Variants in PCDHGA8 observed in about 807,000 individuals in gnomAD.
The protein encoded by PCDHGA8 is protocadherin gamma subfamily A, 8, also known as protocadherin gamma-A8.
Under a neutral mutation model 59.2 loss-of-function variants are expected in PCDHGA8, and 45 were observed. The ratio of observed to expected loss-of-function variants is 0.76; its 90% CI spans 0.60 to 0.98. The LOEUF (loss-of-function observed/expected upper bound fraction) is 0.98, where lower values mean the gene tolerates loss of function less well. Ranked by LOEUF, PCDHGA8 falls within the 50% of genes least tolerant of loss-of-function variation. The pLI is 0.00. For missense variants in PCDHGA8, 1,257 were observed against 1,196.2 expected, an observed-to-expected ratio of 1.05 and a Z score of -0.75; for synonymous variants, 531 against 519.0, an observed-to-expected ratio of 1.02 and a Z score of -0.32.
intron 1 of PCDHGA8, 103 bp downstream of exon 1, chr5:141,395,340 G>T (rs529007241): frequency 2.1e-6 from 3 of 1,419,360 alleles, no homozygotes; most frequent in Non-Finnish European, 1.9e-6. Flanking sequence ...TAATTTTTAA[G>T]GTGTATCACA....
rs1220367944 is a variant in PCDHGA8 at position 141,394,004 on chromosome 5, A to G, written c.1191A>G (p.Ser397=). ...RDNLPFKLEK[S]IGNYYRLVTR... ...ATTTACCTTTTAAATTAGAAAAGTC[A>G]ATAGGTAATTATTATAGATTAGTGA... The change falls in exon 1 of 4, where the codon TCA becomes TCG. Residue 397 remains serine (S), a synonymous_variant. Coordinates refer to ENST00000398604, the MANE Select transcript of PCDHGA8 (RefSeq NM_032088.2). The G allele has an allele frequency of 3.7e-6, 6 of 1,613,378 alleles. No homozygotes were observed. The highest frequency in any genetic ancestry group is 4.2e-6 in the Non-Finnish European group (5 of 1,179,614).
intron 2 of PCDHGA8, among the ~76,000 whole-genome samples, chr5:141,497,721 G>A (rs2099778948): frequency 6.6e-6 from 1 of 152,006 alleles, no homozygotes; most frequent in African/African-American, 2.4e-5. Flanking sequence ...TGTATTTTTA[G>A]TAGAGATGGG....
Position 141,489,805 on chromosome 5 carries a change from A to T in PCDHGA8, c.2425-5002A>T. On this transcript the variant is annotated intron_variant, in intron 1 of 3. Transcript: ENST00000398604. The surrounding 1 kb of genome is among the most constrained non-coding windows in gnomAD (Gnocchi z 4.5). ...GAATGTGAAGACCCTAAAAGATGGG[A>T]AGCCATTCCCAGAGCTGGTGCTAGA... 1 of 1,614,166 alleles carries T rather than the reference A, an allele frequency of 6.2e-7. No individual in the cohort carries two copies. Among genetic ancestry groups the T allele is most frequent in the Non-Finnish European group, 8.5e-7 (1 of 1,180,012 alleles).
At chr5:141,502,134 C>T (rs566073996) in intron 2 of PCDHGA8, among the ~76,000 whole-genome samples, 10 of 152,288 alleles carry the variant, frequency 6.6e-5, no homozygotes, top group African/African-American at 2.2e-4. Flanking sequence ...AGAGCTCAGT[C>T]GGGCCGGAAG....
rs1036223789 is a variant in PCDHGA8, at chr5:141,511,298, G to A, written c.*125G>A. On this transcript the variant is annotated 3_prime_UTR_variant, in exon 4 of 4. Transcript: ENST00000398604. ...GAATACTGGTAGGGGCCAAGGCCAT[G>A]CTCCCCTTGGGAAACAGAAACAAGT... The A allele has an allele frequency of 4.7e-6, 7 of 1,502,412 alleles. No individual in the cohort carries two copies. In the African/African-American group the frequency reaches 8.4e-5, roughly 18 times the overall value. The allele number at this position is 1,502,412 out of a possible 1,614,324, so 93.1% of individuals were successfully genotyped here. A position where few individuals can be genotyped will look rare whatever the true frequency, so the allele number is the denominator to read the frequency against.
chr5:141,415,477 CGAAA>C (rs764359660), intron 1 of PCDHGA8: 56 of 1,614,066 alleles, frequency 3.5e-5, no homozygotes, highest in Middle Eastern at 3.3e-4. Context: ...CGCGGACTCG[CGAAA>C]GAGTCACCTG....
chr5:141,501,902 C>G (rs2154593013), intron 2 of PCDHGA8, among the ~76,000 whole-genome samples: 1 of 152,202 alleles, frequency 6.6e-6, no homozygotes, highest in East Asian at 1.9e-4. Flanking sequence ...GGTTCCAACC[C>G]CACTGTTCCA....
chr5:141,398,841 TC>T (rs1383151737), intron 1 of PCDHGA8: 5 of 1,613,612 alleles, frequency 3.1e-6, no homozygotes, highest in African/African-American at 1.3e-5. Flanking sequence ...CCAATGATAA[TC>T]CCCCGGTATT....
Position 141,493,359 on chromosome 5 carries a change from G to A in PCDHGA8, c.2425-1448G>A, listed in dbSNP as rs956980110. Among the ~76,000 whole-genome samples the A allele has an allele frequency of 2.6e-5, 4 of 152,148 alleles. No homozygotes were observed. The highest frequency in any genetic ancestry group is 9.7e-5 in the African/African-American group (4 of 41,418). ...CCAGAATGTGTGCTTTTAATTTCTT[G>A]GCACTTGGAACTTTAAAAGCTTGAG... On this transcript the variant is annotated intron_variant, in intron 1 of 3. Transcript: ENST00000398604. This position sits in a 1 kb window ranked among gnomAD's most constrained non-coding sequence, Gnocchi z 4.3.
chr5:141,432,706 C>G lies in PCDHGA8; in HGVS notation c.2424+37469C>G, dbSNP rs761752571. The G allele has an allele frequency of 6.2e-7, 1 of 1,613,988 alleles. No homozygotes were observed. Among genetic ancestry groups the G allele is most frequent in the African/African-American group, 1.3e-5 (1 of 75,072 alleles). Reference sequence around the variant, plus strand: ...GCCTCGTAGTGGCCGTCCAGGACCACGGCCAGCCCCCTCTCTCCGCCACTG... The same window carrying G: ...GCCTCGTAGTGGCCGTCCAGGACCAGGGCCAGCCCCCTCTCTCCGCCACTG... On this transcript the variant is annotated intron_variant, in intron 1 of 3. Transcript: ENST00000398604. The surrounding 1 kb of genome is among the most constrained non-coding windows in gnomAD (Gnocchi z 6.0).
At chr5:141,482,840 G>A (rs1343123459) in intron 1 of PCDHGA8, among the ~76,000 whole-genome samples, 2 of 152,212 alleles carry the variant, frequency 1.3e-5, no homozygotes, top group Admixed American at 6.5e-5. Context: ...GGGAGGCCAA[G>A]GTGGGCAGAT....
At chr5:141,419,084 G>A in intron 1 of PCDHGA8, 2 of 1,613,920 alleles carry the variant, frequency 1.2e-6, no homozygotes, top group Non-Finnish European at 1.7e-6. Flanking sequence ...AACAGATGAG[G>A]CCCTGGATCG....
Position 141,477,256 on chromosome 5 carries a change from T to G in PCDHGA8, c.2425-17551T>G. 2 of 1,614,210 alleles carry G rather than the reference T, an allele frequency of 1.2e-6. No homozygotes were observed. The highest frequency in any genetic ancestry group is 1.7e-6 in the Non-Finnish European group (2 of 1,180,038). On this transcript the variant is annotated intron_variant, in intron 1 of 3. Coordinates refer to ENST00000398604, the MANE Select transcript of PCDHGA8 (RefSeq NM_032088.2). This position sits in a 1 kb window ranked among gnomAD's most constrained non-coding sequence, Gnocchi z 4.9. Reference sequence around the variant, plus strand: ...CTTTGCTCAGTGTGACTGACCTGGATGCTGGCGAGAACGGGCTGGTGACCT... The same window carrying G: ...CTTTGCTCAGTGTGACTGACCTGGAGGCTGGCGAGAACGGGCTGGTGACCT...
At chr5:141,463,847 G>T (rs922334975) in intron 1 of PCDHGA8, among the ~76,000 whole-genome samples, 9 of 152,158 alleles carry the variant, frequency 5.9e-5, no homozygotes, top group African/African-American at 2.2e-4. Context: ...TGTTATAGTG[G>T]TATATCTGGT....
chr5:141,476,714 C>T lies in PCDHGA8; in HGVS notation c.2425-18093C>T, dbSNP rs146188020. On this transcript the variant is annotated intron_variant, in intron 1 of 3. Transcript: ENST00000398604. The surrounding 1 kb of genome is among the most constrained non-coding windows in gnomAD (Gnocchi z 7.6). ...CAAGTACGCGGAGCTGGTGTTGGAG[C>T]GCGCCCTGGACCGAGAACGGGAGCC... The T allele has an allele frequency of 6.2e-7, 1 of 1,614,154 alleles. No individual in the cohort carries two copies. The highest frequency in any genetic ancestry group is 8.5e-7 in the Non-Finnish European group (1 of 1,180,032).
intron 2 of PCDHGA8, among the ~76,000 whole-genome samples, chr5:141,495,119 C>T (rs1024197360): frequency 3.9e-5 from 6 of 152,182 alleles, no homozygotes; most frequent in African/African-American, 1.4e-4. Context: ...CTTTTCCTAT[C>T]CCCTGAGGGC....
chr5:141,416,759 C>T (rs1045872662), intron 1 of PCDHGA8: 2 of 152,130 alleles, frequency 1.3e-5, no homozygotes, highest in African/African-American at 4.8e-5. Flanking sequence ...TTAGGTAGAT[C>T]TCTTAATTTT....
chr5:141,430,822 G>C lies in PCDHGA8; in HGVS notation c.2424+35585G>C, dbSNP rs752634890. 5.8e-6 allele frequency: 9 copies of C among 1,542,380 alleles called. No homozygotes were observed. The African/African-American group carries it at 1.1e-4, about 19-fold the overall frequency. On this transcript the variant is annotated intron_variant, in intron 1 of 3. Transcript: ENST00000398604. ...TTGTCCTGCTGGGAATCCTCCTGGGGACTCTGTGGGAGACCGGATGCACCC... is the reference window on the plus strand; with the variant it reads ...TTGTCCTGCTGGGAATCCTCCTGGGCACTCTGTGGGAGACCGGATGCACCC...
rs539348000 is a variant in PCDHGA8 at position 141,504,908 on chromosome 5, G to A, written c.2484-485G>A. 5.9e-5 allele frequency among the ~76,000 whole-genome samples: 9 copies of A among 152,208 alleles called. No homozygotes were observed. In the East Asian group the frequency reaches 1.7e-3, roughly 29 times the overall value. On this transcript the variant is annotated intron_variant, in intron 2 of 3. Coordinates refer to ENST00000398604, the MANE Select transcript of PCDHGA8 (RefSeq NM_032088.2). Reference sequence around the variant, plus strand: ...AGGTCTGATCTCCCTCACTATGACAGGAAGCCAGGCTCTCTCATGGTGGGT... The same window carrying A: ...AGGTCTGATCTCCCTCACTATGACAAGAAGCCAGGCTCTCTCATGGTGGGT...
Sources: allele counts gnomAD v4.1 joint callset (sites outside exome capture counted in the v4.1 genomes callset), GRCh38; gene constraint gnomAD v4.1.1; non-coding constraint Gnocchi (gnomAD v3.1); transcripts MANE v1.5; gene names NCBI Gene and HGNC (gene_info 2026-07-23, HGNC 2026-07-21).